Variants in THRB observed in about 807,000 individuals in gnomAD.
THRB encodes the protein thyroid hormone receptor beta.
THRB carries 12 observed loss-of-function variants against 47.8 expected under a neutral mutation model. The ratio of observed to expected loss-of-function variants is 0.25; its 90% CI spans 0.16 to 0.41. The LOEUF (loss-of-function observed/expected upper bound fraction) is 0.41, where lower values mean the gene tolerates loss of function less well. THRB is among the 10% of genes least tolerant of loss of function. The probability of loss-of-function intolerance (pLI) is 1.00; values close to 1 mark genes in which losing one functional copy is unlikely to be tolerated. For missense variants in THRB, 348 were observed against 589.2 expected (o/e 0.59, Z 4.24); for synonymous variants, 218 against 212.2 (o/e 1.03, Z -0.24).
chr3:24,171,609 A>G (rs998783732), intron 5 of THRB, among the ~76,000 whole-genome samples: 1 of 151,972 alleles, frequency 6.6e-6, no homozygotes, highest in Non-Finnish European at 1.5e-5. Flanking sequence ...TGACTGTATC[A>G]TTTCTCCTAT....
chr3:24,389,574 C>T (rs571283108), intron 1 of THRB, among the ~76,000 whole-genome samples: 63 of 152,208 alleles, frequency 4.1e-4, no homozygotes, highest in Middle Eastern at 3.4e-3. Flanking sequence ...AGGTTCTCAG[C>T]GAGATTTGTG....
intron 1 of THRB, among the ~76,000 whole-genome samples, chr3:24,395,064 C>G (rs1481728429): frequency 6.6e-6 from 1 of 152,044 alleles, no homozygotes; most frequent in Non-Finnish European, 1.5e-5. Context: ...TCTAGAATAT[C>G]CACATGCAGA....
chr3:24,223,041 C>T (rs138371333), intron 4 of THRB, among the ~76,000 whole-genome samples: 3 of 152,284 alleles, frequency 2.0e-5, no homozygotes, highest in East Asian at 1.9e-4. Context: ...GAAGCGGAGC[C>T]GAGGGTCGTG....
chr3:24,308,235 G>A (rs1015150072), intron 2 of THRB, among the ~76,000 whole-genome samples: 6 of 152,064 alleles, frequency 3.9e-5, no homozygotes, highest in Non-Finnish European at 8.8e-5. Context: ...ACTTACTAAG[G>A]GAGATAGAGT....
At chr3:24,487,367 C>G (rs2125927681) in intron 1 of THRB, among the ~76,000 whole-genome samples, 1 of 151,522 alleles carries the variant, frequency 6.6e-6, no homozygotes, top group South Asian at 2.1e-4. Context: ...CACACACACA[C>G]ACAAATAAAA....
intron 5 of THRB, among the ~76,000 whole-genome samples, chr3:24,161,854 G>T (rs1047913554): frequency 4.3e-5 from 1 of 23,452 alleles, no homozygotes; most frequent in Non-Finnish European, 8.6e-5. Flanking sequence ...CCATCTCCTC[G>T]ATCCTGGCTT....
chr3:24,190,393 A>C, intron 4 of THRB, 59 bp from the exon 5 acceptor site: 1 of 1,609,866 alleles, frequency 6.2e-7, no homozygotes, highest in Non-Finnish European at 8.5e-7. Context: ...TTTTGCTGAG[A>C]TGCAGAGTTT....
intron 2 of THRB, among the ~76,000 whole-genome samples, chr3:24,305,891 C>T (rs2057302191): frequency 6.6e-6 from 1 of 152,190 alleles, no homozygotes; most frequent in South Asian, 2.1e-4. Context: ...GCATCTCCTA[C>T]TAAACTTCTT....
rs567322161 is a variant in THRB at position 24,448,582 on chromosome 3, G to A, written c.-261+46070C>T. Among the ~76,000 whole-genome samples, 8 of 152,204 alleles carry A rather than the reference G, an allele frequency of 5.3e-5. No homozygotes were observed. The South Asian group carries it at 1.5e-3, about 28-fold the overall frequency. On this transcript the variant is annotated intron_variant, in intron 1 of 10. Transcript: ENST00000646209. ...CTAGGGGTCTTTATTAAAAAGACTT[G>A]TATACCTCCCATCTTGACAACCTAA... is the stretch of plus-strand genomic sequence containing the variant.
chr3:24,311,677 ATGT>A (rs966202301), intron 2 of THRB, among the ~76,000 whole-genome samples: 1 of 151,890 alleles, frequency 6.6e-6, no homozygotes, highest in Non-Finnish European at 1.5e-5. Context: ...TAATCTCCAA[ATGT>A]TGTGAATTCC....
intron 1 of THRB, among the ~76,000 whole-genome samples, chr3:24,361,512 G>A (rs1236497248): frequency 6.6e-6 from 1 of 152,074 alleles, no homozygotes; most frequent in Non-Finnish European, 1.5e-5. Flanking sequence ...TGGAAATTCT[G>A]GGAAGAAAGA....
At chr3:24,352,649 C>T (rs2063427055) in intron 1 of THRB, among the ~76,000 whole-genome samples, 1 of 152,080 alleles carries the variant, frequency 6.6e-6, no homozygotes, top group South Asian at 2.1e-4. Context: ...CCTACAAACG[C>T]ACAATGCAAG....
chr3:24,190,327 G>A lies in THRB; in HGVS notation c.30C>T (p.Gly10=), dbSNP rs753394080. Reference sequence around the variant, plus strand: ...GCTTCGGTTTGTCCCAGGCTGTAAGGCCATTTTCTAAAGGGTTGAAAAACA... The same window carrying A: ...GCTTCGGTTTGTCCCAGGCTGTAAGACCATTTTCTAAAGGGTTGAAAAACA... The part of the protein sequence containing the change: MTPNSMTEN[G]LTAWDKPKHC... Residue 10 remains glycine (G), a synonymous_variant, in exon 5 of 11, where the codon GGC becomes GGT. Transcript: ENST00000646209. The A allele has an allele frequency of 6.2e-7, 1 of 1,614,020 alleles. No individual in the cohort carries two copies. The highest frequency in any genetic ancestry group is 8.5e-7 in the Non-Finnish European group (1 of 1,179,934).
intron 3 of THRB, among the ~76,000 whole-genome samples, chr3:24,255,994 G>A: frequency 6.6e-6 from 1 of 152,200 alleles, no homozygotes; most frequent in East Asian, 1.9e-4. Flanking sequence ...ACTGCAGCTA[G>A]AGCAAGAAGA....
chr3:24,389,500 A>G (rs1032489179), intron 1 of THRB, among the ~76,000 whole-genome samples: 1 of 152,194 alleles, frequency 6.6e-6, no homozygotes, highest in African/African-American at 2.4e-5. Context: ...AGGTTGTCAG[A>G]ATTTCATTTT....
At chr3:24,448,984 A>C (rs981346262) in intron 1 of THRB, among the ~76,000 whole-genome samples, 1 of 152,202 alleles carries the variant, frequency 6.6e-6, no homozygotes, top group African/African-American at 2.4e-5. Context: ...TCAAGGACAG[A>C]TGTAAGACAG....
intron 5 of THRB, among the ~76,000 whole-genome samples, chr3:24,172,540 A>G (rs940995880): frequency 6.6e-6 from 1 of 152,148 alleles, no homozygotes; most frequent in Non-Finnish European, 1.5e-5. Flanking sequence ...CAGCTCTACA[A>G]AAGGGCACTA....
chr3:24,469,130 C>T (rs2074372971), intron 1 of THRB, among the ~76,000 whole-genome samples: 1 of 152,166 alleles, frequency 6.6e-6, no homozygotes, highest in African/African-American at 2.4e-5. Context: ...CCCTGATCTC[C>T]TCAGTAGACA....
chr3:24,258,695 C>G (rs2051594157), intron 3 of THRB, among the ~76,000 whole-genome samples: 1 of 152,150 alleles, frequency 6.6e-6, no homozygotes, highest in Non-Finnish European at 1.5e-5. Context: ...ATACCAACAG[C>G]TTTTACTCTA....
Sources: gnomAD v4.1 joint callset for allele counts (sites outside exome capture counted in the v4.1 genomes callset) on GRCh38, gnomAD v4.1.1 for gene constraint, MANE v1.5 for transcripts, NCBI Gene and HGNC (gene_info 2026-07-23, HGNC 2026-07-21) for gene names.